MAF: variants seen among roughly 807,000 people sequenced by gnomAD.
The protein encoded by MAF is MAF bZIP transcription factor.
MAF carries 10 observed loss-of-function variants against 22.0 expected under a neutral mutation model. That is an observed-to-expected ratio of 0.45 (90% CI 0.28 to 0.77). The LOEUF is 0.77. Among genes scored for constraint, MAF ranks in the 30% least tolerant of loss-of-function variants. The probability of loss-of-function intolerance (pLI) is 0.12; values close to 1 mark genes in which losing one functional copy is unlikely to be tolerated. For missense variants in MAF, 544 were observed against 548.4 expected, an observed-to-expected ratio of 0.99 and a Z score of 0.08; for synonymous variants, 337 against 255.8, an observed-to-expected ratio of 1.32 and a Z score of -3.03.
chr16:79,444,732 C>A, the MAF span, among the ~76,000 whole-genome samples: 1 of 152,180 alleles, frequency 6.6e-6, no homozygotes, highest in Non-Finnish European at 1.5e-5. Context: ...CATGGAGAAG[C>A]CACAGAATGC....
At chr16:79,596,545 A>G (rs1913537565) in intron 1 of MAF, 1 of 1,049,574 alleles carries the variant, frequency 9.5e-7, no homozygotes. Context: ...TTGAAAATGA[A>G]AGAAAAGCAC....
chr16:79,213,994 C>G, the MAF span, among the ~76,000 whole-genome samples: 457 of 152,250 alleles, frequency 3.0e-3, 4 homozygotes, highest in Admixed American at 0.023. Context: ...CTCTGTTCCT[C>G]GAACATGCCA....
the MAF span, among the ~76,000 whole-genome samples, chr16:79,215,392 G>C: frequency 2.4e-4 from 36 of 152,330 alleles, no homozygotes; most frequent in African/African-American, 7.9e-4. Flanking sequence ...AGGCTGATCA[G>C]AGAGGTGACT....
the MAF span, among the ~76,000 whole-genome samples, chr16:79,215,923 C>T: frequency 2.0e-5 from 3 of 152,170 alleles, no homozygotes; most frequent in African/African-American, 7.2e-5. Flanking sequence ...CCCTCATGCC[C>T]ATTTCTCCCT....
chr16:79,539,276 G>C, the MAF span, among the ~76,000 whole-genome samples: 2 of 152,244 alleles, frequency 1.3e-5, no homozygotes, highest in African/African-American at 4.8e-5. Context: ...GGCCGAGCCG[G>C]GTGGATAACC....
At chr16:79,277,320 G>A in the MAF span, among the ~76,000 whole-genome samples, 2 of 152,164 alleles carry the variant, frequency 1.3e-5, no homozygotes, top group Admixed American at 1.3e-4. Flanking sequence ...CTTTTGGGGG[G>A]TGCCCATTCC....
the MAF span, among the ~76,000 whole-genome samples, chr16:79,476,905 G>C: frequency 6.6e-6 from 1 of 152,168 alleles, no homozygotes; most frequent in Admixed American, 6.5e-5. Flanking sequence ...GCAGGTCTGA[G>C]GAGAGTGGCC....
the MAF span, among the ~76,000 whole-genome samples, chr16:79,345,866 A>T: frequency 1.3e-5 from 2 of 150,434 alleles, 1 homozygote; most frequent in East Asian, 3.9e-4. Flanking sequence ...ATGTTTGGGT[A>T]CTGTAATTAT....
At chr16:79,500,407 A>G in the MAF span, among the ~76,000 whole-genome samples, 1 of 152,122 alleles carries the variant, frequency 6.6e-6, no homozygotes, top group African/African-American at 2.4e-5. Flanking sequence ...CTTCCAGCTT[A>G]TAGTAACCTA....
chr16:79,326,058 C>A, the MAF span, among the ~76,000 whole-genome samples: 1 of 152,216 alleles, frequency 6.6e-6, no homozygotes, highest in Non-Finnish European at 1.5e-5. Context: ...GTTGTGCCAC[C>A]TTTGGCAACC....
chr16:79,383,166 G>T, the MAF span, among the ~76,000 whole-genome samples: 1 of 151,850 alleles, frequency 6.6e-6, no homozygotes, highest in Admixed American at 6.6e-5. Context: ...TCTTGAACCA[G>T]AAAGAAATGC....
At chr16:79,456,484 G>T in the MAF span, among the ~76,000 whole-genome samples, 1 of 152,108 alleles carries the variant, frequency 6.6e-6, no homozygotes, top group Non-Finnish European at 1.5e-5. Context: ...TAATCCAGTG[G>T]GATCCCCTTA....
At chr16:79,314,912 A>G in the MAF span, among the ~76,000 whole-genome samples, 1 of 152,166 alleles carries the variant, frequency 6.6e-6, no homozygotes, top group East Asian at 1.9e-4. Flanking sequence ...TAGTTCCCCC[A>G]TTGCAGGAAG....
At chr16:79,356,754 C>T in the MAF span, among the ~76,000 whole-genome samples, 1,280 of 152,264 alleles carry the variant, frequency 8.4e-3, 21 homozygotes, top group African/African-American at 0.029. Context: ...ATAAGTCCAC[C>T]CTACAAACAT....
the MAF span, among the ~76,000 whole-genome samples, chr16:79,328,772 C>A: frequency 1.3e-5 from 2 of 152,150 alleles, no homozygotes; most frequent in Admixed American, 6.5e-5. Context: ...AAAATGGAAC[C>A]CTTTGAAGAA....
At chr16:79,302,002 T>TCA in the MAF span, among the ~76,000 whole-genome samples, 1 of 152,172 alleles carries the variant, frequency 6.6e-6, no homozygotes, top group African/African-American at 2.4e-5. Flanking sequence ...ACCACTGAGA[T>TCA]CACCGCCTCT....
At chr16:79,365,434 C>T in the MAF span, among the ~76,000 whole-genome samples, 3 of 152,282 alleles carry the variant, frequency 2.0e-5, no homozygotes, top group African/African-American at 7.2e-5. Context: ...TTTCTGGAGC[C>T]TAGTACAGTG....
the MAF span, among the ~76,000 whole-genome samples, chr16:79,580,709 G>A: frequency 2.0e-5 from 3 of 151,984 alleles, no homozygotes; most frequent in Non-Finnish European, 4.4e-5. Flanking sequence ...TGTGACAGAT[G>A]CAGCCTCAAA....
chr16:79,379,635 G>C, the MAF span, among the ~76,000 whole-genome samples: 1 of 152,220 alleles, frequency 6.6e-6, no homozygotes, highest in Non-Finnish European at 1.5e-5. Flanking sequence ...TTTATCAAGA[G>C]TGGTCAAGAG....
Sources: gnomAD v4.1 joint callset for allele counts (sites outside exome capture counted in the v4.1 genomes callset) on GRCh38, gnomAD v4.1.1 for gene constraint, MANE v1.5 for transcripts, NCBI Gene and HGNC (gene_info 2026-07-23, HGNC 2026-07-21) for gene names.